The following RNF44 variants were observed in gnomAD, a reference collection of about 807,000 sequenced individuals.
RNF44 encodes ring finger protein 44.
RNF44 carries 25 observed loss-of-function variants against 53.6 expected under a neutral mutation model. The observed-to-expected ratio is 0.47, with a 90% CI of 0.34 to 0.65. The LOEUF is 0.65. Among genes scored for constraint, RNF44 ranks in the 30% least tolerant of loss-of-function variants. The pLI is 0.01. For synonymous variants in RNF44, 282 were observed against 252.2 expected (o/e 1.12, Z -1.12); for missense variants, 581 against 595.5 (o/e 0.98, Z 0.25).
In RNF44 at chr5:176,527,382, G is replaced by C. The variant is rs1176177031; in HGVS notation, c.*1646C>G. 1 of 152,588 alleles carries C rather than the reference G, an allele frequency of 6.6e-6. No homozygotes were observed. Among genetic ancestry groups the C allele is most frequent in the East Asian group, 1.9e-4 (1 of 5,202 alleles). 9.5% of individuals were successfully genotyped at this position (152,588 alleles called of 1,614,324 possible). A position where few individuals can be genotyped will look rare whatever the true frequency, so the allele number is the denominator to read the frequency against. On this transcript the variant is annotated 3_prime_UTR_variant, in exon 11 of 11. Transcript: ENST00000274811. ...GCTGCAGCCGACACACAATCTGTGA[G>C]CCTGTTTCCGCCTGCCCCAGGAACT...
chr5:176,541,441 A>C (rs1757444633), upstream of RNF44, among the ~76,000 whole-genome samples: 1 of 152,178 alleles, frequency 6.6e-6, no homozygotes, highest in Non-Finnish European at 1.5e-5. Context: ...CTGAACAACC[A>C]AATGCAGATG....
chr5:176,539,428 G>A (rs769164195), upstream of RNF44, among the ~76,000 whole-genome samples: 7 of 152,090 alleles, frequency 4.6e-5, no homozygotes, highest in African/African-American at 1.7e-4. Flanking sequence ...GGTGGCTCAC[G>A]CCTGTAATCC....
At chr5:176,529,841 G>A in intron 7 of RNF44, 23 bp from the exon 8 acceptor site, 1 of 1,570,084 alleles carries the variant, frequency 6.4e-7, no homozygotes, top group South Asian at 1.2e-5. Flanking sequence ...AAGTGTGGGG[G>A]CCCAGGGTCA....
upstream of RNF44, among the ~76,000 whole-genome samples, chr5:176,538,310 C>T (rs1042398919): frequency 5.3e-5 from 8 of 152,164 alleles, no homozygotes; most frequent in Admixed American, 6.5e-5. Context: ...ATAGCCAGTT[C>T]ATTTTACAGA....
At chr5:176,533,069 T>C (rs544243264) in intron 1 of RNF44, among the ~76,000 whole-genome samples, 1 of 152,318 alleles carries the variant, frequency 6.6e-6, no homozygotes, top group Admixed American at 6.5e-5. Context: ...CAGGGCACCC[T>C]GTCTTGGAAA....
upstream of RNF44, among the ~76,000 whole-genome samples, chr5:176,540,728 T>TCCCTGC (rs1314265719): frequency 6.6e-6 from 1 of 152,176 alleles, no homozygotes; most frequent in Non-Finnish European, 1.5e-5. Context: ...CGCTGCCCTG[T>TCCCTGC]CCCTGCCCCA....
rs762347792 is a variant in RNF44 at position 176,531,955 on chromosome 5, T to G, written c.297+49A>C. The stretch of plus-strand genomic sequence containing the variant: ...ATCTAGGCCTTGCTGCCTCTGCCTC[T>G]CAGACTGGCTCACAGGGCCAGGGGC... On this transcript the variant is annotated intron_variant, in intron 3 of 10. Coordinates refer to ENST00000274811, the MANE Select transcript of RNF44 (RefSeq NM_014901.5). The surrounding 1 kb of genome is among the most constrained non-coding windows in gnomAD (Gnocchi z 4.2). 8 of 1,540,632 alleles carry G rather than the reference T, an allele frequency of 5.2e-6. No homozygotes were observed. The African/African-American group carries it at 1.1e-4, about 21-fold the overall frequency.
At chr5:176,534,890 A>G (rs1757019275) in intron 1 of RNF44, among the ~76,000 whole-genome samples, 1 of 152,236 alleles carries the variant, frequency 6.6e-6, no homozygotes, top group Non-Finnish European at 1.5e-5. Flanking sequence ...CTAGCCACCA[A>G]GCCAGCAGCC....
chr5:176,526,954 G>A lies in RNF44; in HGVS notation c.*2074C>T, dbSNP rs1034009102. ...AAAAAACCACACATTTAAGCTTTAA[G>A]AACCATTTTTTTCTCTATATATTAG... On this transcript the variant is annotated 3_prime_UTR_variant, in exon 11 of 11. Transcript: ENST00000274811. 6.6e-6 allele frequency: 1 copy of A among 152,298 alleles called. No homozygotes were observed. Among genetic ancestry groups the A allele is most frequent in the African/African-American group, 2.4e-5 (1 of 41,362 alleles). 9.4% of individuals were successfully genotyped at this position (152,298 alleles called of 1,614,324 possible). A position where few individuals can be genotyped will look rare whatever the true frequency, so the allele number is the denominator to read the frequency against.
rs1435064540 is a variant in RNF44, at chr5:176,527,182, TAA to T, written c.*1844_*1845del. The stretch of plus-strand genomic sequence containing the variant: ...CATGCCTAGGCCAGAAGTTGGTAAA[TAA>T]GAGAGTAAACAATGGCAAGCCCCCA... On this transcript the variant is annotated 3_prime_UTR_variant, in exon 11 of 11. Transcript: ENST00000274811. The T allele has an allele frequency of 5.9e-5, 9 of 152,232 alleles. No individual in the cohort carries two copies. The highest frequency in any genetic ancestry group is 1.5e-5 in the Non-Finnish European group (1 of 67,994). 9.4% of individuals were successfully genotyped at this position (152,232 alleles called of 1,614,324 possible).
At chr5:176,530,525 AG>A in intron 6 of RNF44, 56 bp downstream of exon 6, 1 of 1,364,648 alleles carries the variant, frequency 7.3e-7, no homozygotes, top group Non-Finnish European at 9.5e-7. Flanking sequence ...AGGTCGGCCC[AG>A]CGGGTCTGCC....
In RNF44 at chr5:176,528,003, T is replaced by C. The variant is rs1756180352; in HGVS notation, c.*1025A>G. ...CTAGGGACGTGTGCAGTACAGTGCATGGCAGTTATCAGCTGAGCACAGACC... is the reference window on the plus strand; with the variant it reads ...CTAGGGACGTGTGCAGTACAGTGCACGGCAGTTATCAGCTGAGCACAGACC... On this transcript the variant is annotated 3_prime_UTR_variant, in exon 11 of 11. Coordinates refer to ENST00000274811, the MANE Select transcript of RNF44 (RefSeq NM_014901.5). 1 of 152,424 alleles carries C rather than the reference T, an allele frequency of 6.6e-6. No homozygotes were observed. The highest frequency in any genetic ancestry group is 6.6e-5 in the Admixed American group (1 of 15,264). The allele number at this position is 152,424 out of a possible 1,614,324, so 9.4% of individuals were successfully genotyped here.
upstream of RNF44, among the ~76,000 whole-genome samples, chr5:176,539,166 G>A (rs991779859): frequency 1.3e-5 from 2 of 152,180 alleles, no homozygotes; most frequent in East Asian, 1.9e-4. Context: ...GAACTGAGCC[G>A]GCTGTCGGCA....
the RNF44 span, among the ~76,000 whole-genome samples, chr5:176,543,359 C>T: frequency 6.7e-6 from 1 of 148,956 alleles, no homozygotes; most frequent in African/African-American, 2.4e-5. This position sits in a 1 kb window ranked among gnomAD's most constrained non-coding sequence, Gnocchi z 4.0. Context: ...GCGCCGCCTG[C>T]CGCGGCCCCT....
In RNF44 at chr5:176,531,027, AAG is replaced by A; in HGVS notation, c.466-8_466-7del. 7.0e-7 allele frequency: 1 copy of A among 1,437,974 alleles called. No individual in the cohort carries two copies. The highest frequency in any genetic ancestry group is 9.1e-7 in the Non-Finnish European group (1 of 1,097,090). The allele number at this position is 1,437,974 out of a possible 1,614,324, so 89.1% of individuals were successfully genotyped here. ...ATGGTGCACGCCTGGATAAGCTGCC[AAG>A]AGAGGGGGCAGGGGGCTGAGAACGT... is the stretch of plus-strand genomic sequence containing the variant. On this transcript the variant is annotated splice_polypyrimidine_tract_variant and splice_region_variant and intron_variant, in intron 4 of 10. Coordinates refer to ENST00000274811, the MANE Select transcript of RNF44 (RefSeq NM_014901.5). This position sits in a 1 kb window ranked among gnomAD's most constrained non-coding sequence, Gnocchi z 4.2.
At chr5:176,538,695 G>C (rs1757369962), upstream of RNF44, among the ~76,000 whole-genome samples, 1 of 87,708 alleles carries the variant, frequency 1.1e-5, no homozygotes, top group South Asian at 3.1e-4. Flanking sequence ...GTGGGCCATG[G>C]GGCAGGGGGA....
chr5:176,534,590 AG>A (rs1310219603), intron 1 of RNF44, among the ~76,000 whole-genome samples: 7 of 152,244 alleles, frequency 4.6e-5, no homozygotes, highest in African/African-American at 1.7e-4. Context: ...ATGGGGAACA[AG>A]GGCACCTAGA....
rs1756107437 is a variant in RNF44 at position 176,527,251 on chromosome 5, G to A, written c.*1777C>T. The A allele has an allele frequency of 6.6e-6, 1 of 152,438 alleles. No individual in the cohort carries two copies. The highest frequency in any genetic ancestry group is 2.1e-4 in the South Asian group (1 of 4,818). The allele number at this position is 152,438 out of a possible 1,614,324, so 9.4% of individuals were successfully genotyped here. ...GTAACATGGCATCTATAGCAAGGTCGGCAGATCACAAACATCCTAAGTAAT... is the reference window on the plus strand; with the variant it reads ...GTAACATGGCATCTATAGCAAGGTCAGCAGATCACAAACATCCTAAGTAAT... On this transcript the variant is annotated 3_prime_UTR_variant, in exon 11 of 11. Transcript: ENST00000274811.
chr5:176,541,504 G>A (rs1394821782), upstream of RNF44, among the ~76,000 whole-genome samples: 1 of 152,178 alleles, frequency 6.6e-6, no homozygotes, highest in East Asian at 1.9e-4. Flanking sequence ...GATGGCTCCA[G>A]ATCAGAGTGG....
Sources: gnomAD v4.1 joint callset for allele counts (sites outside exome capture counted in the v4.1 genomes callset) on GRCh38, gnomAD v4.1.1 for gene constraint, Gnocchi (gnomAD v3.1) non-coding constraint, MANE v1.5 for transcripts, NCBI Gene and HGNC (gene_info 2026-07-23, HGNC 2026-07-21) for gene names.